The following LARP1 variants were observed in gnomAD, a reference collection of about 807,000 sequenced individuals.
LARP1 encodes La ribonucleoprotein 1, translational regulator, also known as la-related protein 1.
LARP1 carries 36 observed loss-of-function variants against 122.7 expected under a neutral mutation model. That is an observed-to-expected ratio of 0.29 (90% confidence interval 0.22 to 0.39). The LOEUF (loss-of-function observed/expected upper bound fraction) is 0.39, where lower values mean the gene tolerates loss of function less well. Ranked by LOEUF, LARP1 falls within the 10% of genes least tolerant of loss-of-function variation. The pLI is 1.00. For synonymous variants in LARP1, 539 were observed against 528.7 expected, an observed-to-expected ratio of 1.02 and a Z score of -0.27; for missense variants, 1,040 against 1,403.6, an observed-to-expected ratio of 0.74 and a Z score of 4.14.
At chr5:154,749,227 ACGG>A (rs1271839316) in intron 1 of LARP1, among the ~76,000 whole-genome samples, 6 of 152,216 alleles carry the variant, frequency 3.9e-5, no homozygotes, top group African/African-American at 1.4e-4. Flanking sequence ...GAAGCCCATC[ACGG>A]GACAACTTGG....
Position 154,803,599 on chromosome 5 carries a change from C to A in LARP1, c.2293C>A (p.Arg765Ser). ...FGAPEPSTIA[R>S]SLPTTVPESP... ...TGCTCCTGAGCCCTCCACCATCGCC[C>A]GCTCTCTACCAACCACTGTCCCAGA... The change falls in exon 13 of 19, where the codon CGC becomes AGC. Residue 765 changes from arginine to serine, a missense_variant. By Grantham distance (110) the Arg-to-Ser change is moderately radical (BLOSUM62 -1). This residue lies in a region of LARP1 where 362 missense variants were observed against 533.1 expected (regional missense o/e 0.68). Coordinates refer to ENST00000518297, the MANE Select transcript of LARP1 (RefSeq NM_033551.3). The surrounding 1 kb of genome is among the most constrained non-coding windows in gnomAD (Gnocchi z 4.4). 6.2e-7 allele frequency: 1 copy of A among 1,614,162 alleles called. No homozygotes were observed. Among genetic ancestry groups the A allele is most frequent in the Non-Finnish European group, 8.5e-7 (1 of 1,180,034 alleles).
intron 1 of LARP1, chr5:154,756,577 G>A (rs534337370): frequency 2.3e-6 from 2 of 867,160 alleles, no homozygotes; most frequent in Non-Finnish European, 2.8e-6. Flanking sequence ...TTCCCACCCC[G>A]CCCGGCGCTC....
chr5:154,765,400 C>T (rs1013142520), intron 1 of LARP1, among the ~76,000 whole-genome samples: 7 of 152,292 alleles, frequency 4.6e-5, no homozygotes, highest in East Asian at 1.9e-4. Context: ...CACTGCCCCC[C>T]GCCGCCCCAA....
intron 7 of LARP1, among the ~76,000 whole-genome samples, 196 bp downstream of exon 7, chr5:154,794,458 A>G (rs1395825038): frequency 6.6e-6 from 1 of 152,238 alleles, no homozygotes; most frequent in African/African-American, 2.4e-5. Flanking sequence ...TACAACATTT[A>G]CCTTAAGAAA....
intron 1 of LARP1, among the ~76,000 whole-genome samples, chr5:154,733,402 C>T (rs1391509983): frequency 4.0e-5 from 6 of 151,794 alleles, no homozygotes; most frequent in Admixed American, 3.9e-4. Context: ...GCTATGTTGC[C>T]CAAGGTGGTC....
Position 154,693,782 on chromosome 5 carries a change from A to T in LARP1, c.-180+10745A>T, listed in dbSNP as rs1024123396. Reference sequence around the variant, plus strand: ...GAGGCAGGAGAACGGCGTGAACTGGAGAGGCGGAGCTTGCAGTGAGCCGAG... The same window carrying T: ...GAGGCAGGAGAACGGCGTGAACTGGTGAGGCGGAGCTTGCAGTGAGCCGAG... On this transcript the variant is annotated intron_variant, in intron 1 of 18. Coordinates refer to the LARP1 transcript ENST00000687700. 6.6e-5 allele frequency among the ~76,000 whole-genome samples: 10 copies of T among 151,122 alleles called. 1 individual carries two copies. Among genetic ancestry groups the T allele is most frequent in the African/African-American group, 2.4e-4 (10 of 41,048 alleles).
chr5:154,719,286 G>A (rs1341128209), intron 1 of LARP1, among the ~76,000 whole-genome samples: 1 of 152,128 alleles, frequency 6.6e-6, no homozygotes, highest in Non-Finnish European at 1.5e-5. Context: ...GGGGATCCTA[G>A]GCCCTACATA....
intron 1 of LARP1, among the ~76,000 whole-genome samples, chr5:154,750,054 C>T (rs955923633): frequency 2.6e-5 from 4 of 152,244 alleles, no homozygotes; most frequent in African/African-American, 7.2e-5. Flanking sequence ...TCAGCAAACT[C>T]GGAGATGGGA....
intron 1 of LARP1, among the ~76,000 whole-genome samples, chr5:154,774,515 C>T (rs908537566): frequency 6.6e-6 from 1 of 152,208 alleles, no homozygotes; most frequent in African/African-American, 2.4e-5. Flanking sequence ...ACCATCTTTT[C>T]ATTTCTCCTG....
intron 14 of LARP1, chr5:154,805,002 C>A: frequency 2.3e-6 from 1 of 439,492 alleles, no homozygotes; most frequent in Non-Finnish European, 4.6e-6. Context: ...TACTGTTAAC[C>A]AGAAGCCTTA....
Position 154,795,239 on chromosome 5 carries a change from G to A in LARP1, c.1297G>A (p.Asp433Asn). 1 of 1,613,828 alleles carries A rather than the reference G, an allele frequency of 6.2e-7. No individual in the cohort carries two copies. The highest frequency in any genetic ancestry group is 8.5e-7 in the Non-Finnish European group (1 of 1,179,704). Residue 433 changes from aspartate (D) to asparagine (N), a missense_variant, in exon 8 of 19, where the codon GAT becomes AAT. Physicochemically the swap from Asp to Asn is conservative, Grantham distance 23. This residue lies in a region of LARP1 where 362 missense variants were observed against 533.1 expected (regional missense o/e 0.68). Coordinates refer to ENST00000518297, the MANE Select transcript of LARP1 (RefSeq NM_033551.3). The part of the protein sequence containing the change: ...DFFLRRKMDA[D>N]GFLPITLIAS... ...CTTCCTGCGAAGGAAAATGGATGCT[G>A]ATGGTTTCCTACCCATCACCCTTAT...
At chr5:154,731,914 C>T (rs913732345) in intron 1 of LARP1, among the ~76,000 whole-genome samples, 9 of 151,672 alleles carry the variant, frequency 5.9e-5, no homozygotes, top group Admixed American at 3.3e-4. Context: ...CCCAGCTACT[C>T]GGGAGGCTGA....
At chr5:154,763,593 T>A (rs531707080) in intron 1 of LARP1, among the ~76,000 whole-genome samples, 1 of 151,912 alleles carries the variant, frequency 6.6e-6, no homozygotes, top group South Asian at 2.1e-4. Flanking sequence ...GCAAGTGAGC[T>A]GTGATTGTGC....
At position 154,755,674 on chromosome 5, in the gene LARP1, G is replaced by T. The variant is rs1312825840; in HGVS notation, c.-84G>T. On this transcript the variant is annotated 5_prime_UTR_variant, in exon 1 of 19. Coordinates refer to ENST00000518297, the MANE Select transcript of LARP1 (RefSeq NM_033551.3). ...GGGGCCCAGCGCCCCGGAGGAAGGC[G>T]TCGCGGGCGCTCTGCTAGCCAAGTT... is the stretch of plus-strand genomic sequence containing the variant. 3 of 987,508 alleles carry T rather than the reference G, an allele frequency of 3.0e-6. No homozygotes were observed. The African/African-American group carries it at 5.2e-5, about 17-fold the overall frequency. The allele number at this position is 987,508 out of a possible 1,614,324, so 61.2% of individuals were successfully genotyped here.
chr5:154,788,902 T>G (rs1757100061), intron 1 of LARP1, among the ~76,000 whole-genome samples: 1 of 152,158 alleles, frequency 6.6e-6, no homozygotes, highest in African/African-American at 2.4e-5. Flanking sequence ...ACATTTTTGT[T>G]TTACAAGAAG....
chr5:154,762,727 C>CAATAATT (rs1754560451), intron 1 of LARP1, among the ~76,000 whole-genome samples: 1 of 152,152 alleles, frequency 6.6e-6, no homozygotes, highest in African/African-American at 2.4e-5. Flanking sequence ...GTTTACAGGC[C>CAATAATT]ACTTTGTAAT....
intron 1 of LARP1, among the ~76,000 whole-genome samples, chr5:154,745,257 G>GT (rs1367807216): frequency 1.3e-5 from 2 of 152,156 alleles, no homozygotes; most frequent in African/African-American, 4.8e-5. Flanking sequence ...AAGCCCTGGA[G>GT]TTTCCACCAA....
intron 15 of LARP1, 66 bp downstream of exon 15, chr5:154,806,098 T>TG: frequency 6.5e-7 from 1 of 1,534,336 alleles, no homozygotes; most frequent in Non-Finnish European, 8.9e-7. Flanking sequence ...GTATAAGAGT[T>TG]GGGGGATACG....
chr5:154,807,941 G>C (rs1272035381), intron 15 of LARP1, among the ~76,000 whole-genome samples: 1 of 152,136 alleles, frequency 6.6e-6, no homozygotes, highest in Non-Finnish European at 1.5e-5. Flanking sequence ...TATTTTCTCT[G>C]ATTCTATGGG....
Sources: allele counts gnomAD v4.1 joint callset (sites outside exome capture counted in the v4.1 genomes callset), GRCh38; gene constraint gnomAD v4.1.1; regional missense constraint gnomAD v4.1.1; non-coding constraint Gnocchi (gnomAD v3.1); transcripts MANE v1.5; gene names NCBI Gene and HGNC (gene_info 2026-07-23, HGNC 2026-07-21).